The following NDUFAF2 variants were observed in gnomAD, a reference collection of about 807,000 sequenced individuals.
The protein encoded by NDUFAF2 is NADH:ubiquinone oxidoreductase complex assembly factor 2, also known as NADH dehydrogenase [ubiquinone] 1 alpha subcomplex assembly factor 2.
NDUFAF2 carries 13 observed loss-of-function variants against 22.8 expected under a neutral mutation model. That is an observed-to-expected ratio of 0.57 (90% CI 0.37 to 0.91). The LOEUF is 0.91. Ranked by LOEUF, NDUFAF2 falls within the 40% of genes least tolerant of loss-of-function variation. NDUFAF2 has a pLI of 0.01. For synonymous variants in NDUFAF2, 53 were observed against 64.2 expected (o/e 0.83, Z 0.84); for missense variants, 162 against 195.2 (o/e 0.83, Z 1.01).
At chr5:61,006,862 C>A (rs965018831) in intron 1 of NDUFAF2, among the ~76,000 whole-genome samples, 7 of 151,972 alleles carry the variant, frequency 4.6e-5, no homozygotes, top group Non-Finnish European at 8.8e-5. Context: ...TTGGTCAAGG[C>A]GTTTGAATAA....
chr5:60,981,638 A>G (rs1750978964), intron 1 of NDUFAF2, among the ~76,000 whole-genome samples: 1 of 152,204 alleles, frequency 6.6e-6, no homozygotes, highest in African/African-American at 2.4e-5. Flanking sequence ...TTTTTAAGAC[A>G]TAGTACAATA....
At chr5:60,980,411 T>C (rs1003103855) in intron 1 of NDUFAF2, among the ~76,000 whole-genome samples, 2 of 152,098 alleles carry the variant, frequency 1.3e-5, no homozygotes, top group African/African-American at 4.8e-5. Context: ...TGTAATCCTA[T>C]TCCTATTCCA....
chr5:61,149,693 G>A (rs1009417675), intron 3 of NDUFAF2, among the ~76,000 whole-genome samples: 2 of 152,038 alleles, frequency 1.3e-5, no homozygotes, highest in Non-Finnish European at 2.9e-5. Context: ...AAAGATGCCC[G>A]TTCCTGCTTT....
rs1276642050 is a variant in NDUFAF2, at chr5:61,146,071, A to G, written c.259-6633A>G. The G allele has an allele frequency of 2.6e-5, 4 of 152,188 alleles. No individual in the cohort carries two copies. The East Asian group carries it at 5.8e-4, about 22-fold the overall frequency. 9.4% of individuals were successfully genotyped at this position (152,188 alleles called of 1,614,324 possible). On this transcript the variant is annotated intron_variant, in intron 3 of 3. Coordinates refer to ENST00000296597, the MANE Select transcript of NDUFAF2 (RefSeq NM_174889.5). ...GACTAGAGACTTTTTGTTGATGGGAATAAGGAGGTAATAAGGCAGAGTGTT... is the reference window on the plus strand; with the variant it reads ...GACTAGAGACTTTTTGTTGATGGGAGTAAGGAGGTAATAAGGCAGAGTGTT...
chr5:61,075,243 T>C (rs1352217999), intron 2 of NDUFAF2, among the ~76,000 whole-genome samples: 1 of 152,216 alleles, frequency 6.6e-6, no homozygotes, highest in Admixed American at 6.5e-5. Flanking sequence ...ATGTGGTAGC[T>C]ATAGGCATTA....
At chr5:61,058,894 A>T (rs1304691244) in intron 1 of NDUFAF2, among the ~76,000 whole-genome samples, 2 of 152,100 alleles carry the variant, frequency 1.3e-5, no homozygotes, top group African/African-American at 2.4e-5. Context: ...CTAAATAGTC[A>T]TGCATTCATC....
At chr5:61,083,330 G>A (rs1353617838) in intron 2 of NDUFAF2, 2 of 151,996 alleles carry the variant, frequency 1.3e-5, no homozygotes, top group Non-Finnish European at 2.9e-5. Flanking sequence ...ACGGCGAAAG[G>A]TAGGGGTCAA....
intron 2 of NDUFAF2, among the ~76,000 whole-genome samples, chr5:61,087,892 T>A (rs1752523039): frequency 6.6e-6 from 1 of 152,146 alleles, no homozygotes; most frequent in Non-Finnish European, 1.5e-5. Context: ...ATTACCACAA[T>A]AATAATAGCT....
chr5:61,123,205 C>T (rs1752996700), intron 3 of NDUFAF2, among the ~76,000 whole-genome samples: 2 of 152,012 alleles, frequency 1.3e-5, no homozygotes, highest in Admixed American at 1.3e-4. Flanking sequence ...CAACATAAGC[C>T]ATAAAAAATT....
chr5:61,073,313 C>CA, intron 2 of NDUFAF2, 99 bp downstream of exon 2: 5 of 935,412 alleles, frequency 5.3e-6, no homozygotes, highest in Admixed American at 4.0e-5. Flanking sequence ...TTTCTCTTTG[C>CA]AAAAAAGTTT....
chr5:61,008,505 G>T (rs1294939105), intron 1 of NDUFAF2, among the ~76,000 whole-genome samples: 1 of 152,076 alleles, frequency 6.6e-6, no homozygotes, highest in African/African-American at 2.4e-5. Context: ...TTCTCTCAAT[G>T]TTCAAAACAA....
At chr5:61,110,306 C>A (rs1055125282) in intron 3 of NDUFAF2, among the ~76,000 whole-genome samples, 1 of 150,360 alleles carries the variant, frequency 6.7e-6, no homozygotes, top group African/African-American at 2.5e-5. Context: ...TCTTTGTCTG[C>A]TTTTGATATC....
chr5:61,096,441 A>T (rs1752640448), intron 2 of NDUFAF2, among the ~76,000 whole-genome samples: 3 of 152,004 alleles, frequency 2.0e-5, no homozygotes, highest in Non-Finnish European at 4.4e-5. Context: ...TCTACTAAAA[A>T]TACAAAAATT....
intron 1 of NDUFAF2, among the ~76,000 whole-genome samples, chr5:60,947,938 T>C (rs184738131): frequency 3.3e-5 from 5 of 152,316 alleles, no homozygotes; most frequent in Admixed American, 3.3e-4. Flanking sequence ...CTAATTTGTA[T>C]ATTTTCTTAC....
At chr5:61,078,660 A>C (rs936522339) in intron 2 of NDUFAF2, among the ~76,000 whole-genome samples, 4 of 152,070 alleles carry the variant, frequency 2.6e-5, no homozygotes, top group African/African-American at 4.8e-5. Flanking sequence ...AGGATTGCTT[A>C]AGCCTGAGAG....
intron 1 of NDUFAF2, among the ~76,000 whole-genome samples, chr5:61,059,476 A>G (rs1752137992): frequency 6.6e-6 from 1 of 152,134 alleles, no homozygotes; most frequent in Non-Finnish European, 1.5e-5. Flanking sequence ...GTGTGCTATA[A>G]ACTTGCCACA....
At chr5:61,030,358 C>T (rs1250363982) in intron 1 of NDUFAF2, among the ~76,000 whole-genome samples, 2 of 152,076 alleles carry the variant, frequency 1.3e-5, no homozygotes, top group African/African-American at 4.8e-5. Flanking sequence ...GTCTGGGTTA[C>T]ATTATACAGA....
chr5:60,979,309 CT>C (rs1008881720), intron 1 of NDUFAF2, among the ~76,000 whole-genome samples: 1 of 152,082 alleles, frequency 6.6e-6, no homozygotes, highest in Non-Finnish European at 1.5e-5. Context: ...TGTTTTGCAG[CT>C]TGTGTAACAG....
intron 2 of NDUFAF2, among the ~76,000 whole-genome samples, chr5:61,092,157 TTTTGTTTTG>T (rs1752576563): frequency 6.6e-6 from 1 of 152,076 alleles, no homozygotes; most frequent in African/African-American, 2.4e-5. Flanking sequence ...TTTGTTTGTT[TTTTGTTTTG>T]TTTGTTTTGT....
Sources: gnomAD v4.1 joint callset for allele counts (sites outside exome capture counted in the v4.1 genomes callset) on GRCh38, gnomAD v4.1.1 for gene constraint, MANE v1.5 for transcripts, NCBI Gene and HGNC (gene_info 2026-07-23, HGNC 2026-07-21) for gene names.